Variants in MYO18B observed in about 807,000 individuals in gnomAD.
MYO18B encodes the protein myosin XVIIIB, also known as unconventional myosin-XVIIIb.
Under a neutral mutation model 273.0 loss-of-function variants are expected in MYO18B, and 204 were observed. The observed-to-expected ratio is 0.75, with a 90% CI of 0.67 to 0.84. The LOEUF is 0.84. Among genes scored for constraint, MYO18B ranks in the 40% least tolerant of loss-of-function variants. MYO18B has a pLI of 0.00. For synonymous variants in MYO18B, 1,330 were observed against 1,305.7 expected, an observed-to-expected ratio of 1.02 and a Z score of -0.40; for missense variants, 3,212 against 3,287.6, an observed-to-expected ratio of 0.98 and a Z score of 0.56.
Position 25,847,459 on chromosome 22 carries a change from C to T in MYO18B, c.3582C>T (p.Ser1194=), listed in dbSNP as rs199912164. ...CGCTGACCAGCATGATCAAAAGGTC[C>T]CGGCTGCACTTTATCCACTGCCTGG... The part of the protein sequence containing the change: ...MDALTSMIKR[S]RLHFIHCLVP... The change falls in exon 20 of 44, where the codon TCC becomes TCT. Residue 1194 remains serine (S), a synonymous_variant. Coordinates refer to ENST00000335473, the MANE Select transcript of MYO18B (RefSeq NM_032608.7). The T allele has an allele frequency of 2.2e-5, 35 of 1,576,066 alleles. No individual in the cohort carries two copies. The Admixed American group carries it at 3.1e-4, about 14-fold the overall frequency.
At chr22:25,989,839 G>A (rs1156979103) in intron 39 of MYO18B, among the ~76,000 whole-genome samples, 2 of 151,466 alleles carry the variant, frequency 1.3e-5, no homozygotes, top group Non-Finnish European at 2.9e-5. Context: ...TTTGCACCTA[G>A]CTGTTTTCTA....
chr22:25,962,644 A>G (rs138649736), intron 39 of MYO18B, among the ~76,000 whole-genome samples: 29 of 152,302 alleles, frequency 1.9e-4, no homozygotes, highest in East Asian at 7.7e-4. Flanking sequence ...ATGTCCCTCA[A>G]TAACTCTGAC....
At chr22:26,011,189 A>G (rs746969355) in intron 42 of MYO18B, among the ~76,000 whole-genome samples, 42 of 151,648 alleles carry the variant, frequency 2.8e-4, no homozygotes, top group Non-Finnish European at 7.4e-5. Flanking sequence ...TTCTGGGGCA[A>G]CAAGATGGCG....
rs368206535 is a variant in MYO18B at position 25,802,777 on chromosome 22, C to CAA, written c.2521+4680_2521+4681insAA. Reference sequence around the variant, plus strand: ...CAAAAAAAAAAAAAAAAAAAAAAAACCCCTATAGCCTTTAGCTATTGCCCT... The same window carrying CAA: ...CAAAAAAAAAAAAAAAAAAAAAAAACAACCCTATAGCCTTTAGCTATTGCCCT... On this transcript the variant is annotated intron_variant, in intron 12 of 43. Transcript: ENST00000335473. Among the ~76,000 whole-genome samples the CAA allele has an allele frequency of 7.5e-4, 104 of 137,834 alleles. 3 individuals are homozygous for CAA. The highest frequency in any genetic ancestry group is 4.7e-3 in the East Asian group (21 of 4,480). 90.4% of individuals were successfully genotyped at this position (137,834 alleles called of 152,430 possible). A position where few individuals can be genotyped will look rare whatever the true frequency, so the allele number is the denominator to read the frequency against.
At chr22:26,029,665 A>G (rs570307482) in intron 43 of MYO18B, among the ~76,000 whole-genome samples, 1 of 152,248 alleles carries the variant, frequency 6.6e-6, no homozygotes, top group East Asian at 1.9e-4. Context: ...TCAGCTATAC[A>G]ATGCAACACC....
At chr22:26,056,986 C>A in the MYO18B span, among the ~76,000 whole-genome samples, 3 of 152,156 alleles carry the variant, frequency 2.0e-5, no homozygotes, top group Non-Finnish European at 4.4e-5. Flanking sequence ...CTCAGAATGG[C>A]TTCACCTCCC....
chr22:26,025,576 C>T (rs1377975174), intron 42 of MYO18B, among the ~76,000 whole-genome samples: 2 of 152,160 alleles, frequency 1.3e-5, no homozygotes, highest in Admixed American at 1.3e-4. Flanking sequence ...AACACTCTGA[C>T]ATTTGGCAAC....
chr22:25,863,723 C>T (rs1022288471), intron 21 of MYO18B, among the ~76,000 whole-genome samples: 8 of 152,172 alleles, frequency 5.3e-5, no homozygotes, highest in African/African-American at 1.7e-4. Context: ...TCAGGCAGTT[C>T]CCAGTTATGC....
chr22:25,766,847 T>A (rs5761167), intron 3 of MYO18B, among the ~76,000 whole-genome samples: 14,145 of 152,272 alleles, frequency 0.093, 1,071 homozygotes, highest in East Asian at 0.32. Flanking sequence ...CCAAATCTTT[T>A]GATCTGGTAT....
chr22:25,828,310 A>C (rs1193171998), intron 14 of MYO18B, among the ~76,000 whole-genome samples: 4 of 152,138 alleles, frequency 2.6e-5, no homozygotes, highest in Admixed American at 2.6e-4. Flanking sequence ...TTAAGTCCTA[A>C]ATTTTGATGT....
At position 26,010,809 on chromosome 22, in the gene MYO18B, C is replaced by T. The variant is rs559407080; in HGVS notation, c.6470+5954C>T. 4.6e-5 allele frequency among the ~76,000 whole-genome samples: 7 copies of T among 152,188 alleles called. No homozygotes were observed. The South Asian group carries it at 1.5e-3, about 32-fold the overall frequency. ...AGTGGGCTAAACTCACAGCAGAAAACCATGAGCACAACAGAAAACCTCTTG... is the reference window on the plus strand; with the variant it reads ...AGTGGGCTAAACTCACAGCAGAAAATCATGAGCACAACAGAAAACCTCTTG... On this transcript the variant is annotated intron_variant, in intron 42 of 43. Coordinates refer to ENST00000335473, the MANE Select transcript of MYO18B (RefSeq NM_032608.7).
intron 2 of MYO18B, 123 bp downstream of exon 2, chr22:25,761,254 T>G (rs2086303567): frequency 9.1e-7 from 1 of 1,103,296 alleles, no homozygotes; most frequent in Non-Finnish European, 1.4e-6. Flanking sequence ...TAGTAGCATG[T>G]GCAATCCCAC....
chr22:26,004,066 C>T lies in MYO18B; in HGVS notation c.6333-652C>T, dbSNP rs541243397. On this transcript the variant is annotated intron_variant, in intron 41 of 43. Transcript: ENST00000335473. ...GAACTGGTGCTTGGCATAAATAGAG[C>T]GTCCTATTAAAAAACTATATATTAT... 2.2e-4 allele frequency among the ~76,000 whole-genome samples: 33 copies of T among 151,270 alleles called. No individual in the cohort carries two copies. In the South Asian group the frequency reaches 5.2e-3, roughly 24 times the overall value.
intron 15 of MYO18B, among the ~76,000 whole-genome samples, chr22:25,830,448 A>G (rs777611552): frequency 1.3e-5 from 2 of 152,020 alleles, no homozygotes; most frequent in African/African-American, 2.4e-5. Context: ...ATGGTTCTTG[A>G]GCTTGTGTTC....
At chr22:25,932,421 T>C (rs560987188) in intron 34 of MYO18B, among the ~76,000 whole-genome samples, 1 of 91,134 alleles carries the variant, frequency 1.1e-5, no homozygotes, top group East Asian at 2.7e-4. Context: ...CTTTTTTTTT[T>C]CTTTGAGACA....
chr22:25,774,388 T>A (rs545475888), intron 7 of MYO18B, among the ~76,000 whole-genome samples: 1 of 152,308 alleles, frequency 6.6e-6, no homozygotes, highest in East Asian at 1.9e-4. Context: ...CTGTCCACAT[T>A]GCCGAGGGAC....
chr22:25,849,300 G>A (rs368045802), intron 20 of MYO18B, among the ~76,000 whole-genome samples: 1 of 152,290 alleles, frequency 6.6e-6, no homozygotes, highest in Non-Finnish European at 1.5e-5. Context: ...CCAACTAAGC[G>A]AAGGGTTGAT....
intron 10 of MYO18B, 30 bp downstream of exon 10, chr22:25,781,864 G>T: frequency 6.9e-7 from 1 of 1,450,922 alleles, no homozygotes; most frequent in Non-Finnish European, 9.2e-7. Flanking sequence ...AGAGACAGCT[G>T]AGGGCAGTGC....
At chr22:25,818,896 A>G (rs183613847) in intron 12 of MYO18B, among the ~76,000 whole-genome samples, 2 of 152,154 alleles carry the variant, frequency 1.3e-5, no homozygotes, top group East Asian at 3.9e-4. Context: ...TCACAGACAA[A>G]CTGAGTCTCA....
Sources: gnomAD v4.1 joint callset for allele counts (sites outside exome capture counted in the v4.1 genomes callset) on GRCh38, gnomAD v4.1.1 for gene constraint, MANE v1.5 for transcripts, NCBI Gene and HGNC (gene_info 2026-07-23, HGNC 2026-07-21) for gene names.